The following ITPR2 variants were observed in gnomAD, a reference collection of about 807,000 sequenced individuals.
ITPR2 encodes the protein inositol 1,4,5-trisphosphate-gated calcium channel ITPR2.
Under a neutral mutation model 317.1 loss-of-function variants are expected in ITPR2, and 207 were observed. The ratio of observed to expected loss-of-function variants is 0.65; its 90% CI spans 0.58 to 0.73. The LOEUF (loss-of-function observed/expected upper bound fraction) is 0.73. Ranked by LOEUF, ITPR2 falls within the 30% of genes least tolerant of loss-of-function variation. The pLI is 0.00. For missense variants in ITPR2, 2,613 were observed against 3,284.0 expected, an observed-to-expected ratio of 0.80 and a Z score of 4.99; for synonymous variants, 1,156 against 1,149.1, an observed-to-expected ratio of 1.01 and a Z score of -0.12.
At chr12:26,362,392 C>A (rs1177453990) in intron 55 of ITPR2, among the ~76,000 whole-genome samples, 2 of 152,124 alleles carry the variant, frequency 1.3e-5, no homozygotes, top group African/African-American at 2.4e-5. Context: ...ATCTTTCCAC[C>A]ATTCCCTGGG....
chr12:26,707,652 G>T (rs551126274), intron 9 of ITPR2, among the ~76,000 whole-genome samples: 1 of 152,084 alleles, frequency 6.6e-6, no homozygotes, highest in African/African-American at 2.4e-5. Context: ...TCCCACATCT[G>T]CCTCCCAAGT....
chr12:26,750,686 A>G (rs1949398029), intron 2 of ITPR2, among the ~76,000 whole-genome samples: 1 of 152,228 alleles, frequency 6.6e-6, no homozygotes, highest in Admixed American at 6.5e-5. Flanking sequence ...CTCTCTGTAC[A>G]TGAGACTTAG....
At position 26,711,191 on chromosome 12, in the gene ITPR2, T is replaced by G. The variant is rs2137022322; in HGVS notation, c.933A>C (p.Gly311=). ...GTCTTACCTCTGCAGCTAAATAGTT[T>G]CCAGTTGCAAGATGCTTAAATCTGA... is the stretch of plus-strand genomic sequence containing the variant. ...SLFRFKHLAT[G]NYLAAELNPD... is the part of the protein sequence containing the mutation. Residue 311 remains glycine (G), a synonymous_variant, in exon 9 of 57, where the codon GGA becomes GGC. Coordinates refer to ENST00000381340, the MANE Select transcript of ITPR2 (RefSeq NM_002223.4). 1 of 1,613,204 alleles carries G rather than the reference T, an allele frequency of 6.2e-7. No homozygotes were observed. Among genetic ancestry groups the G allele is most frequent in the Non-Finnish European group, 8.5e-7 (1 of 1,179,264 alleles).
chr12:26,623,532 T>A (rs1382964867), intron 24 of ITPR2: 3 of 152,218 alleles, frequency 2.0e-5, no homozygotes, highest in African/African-American at 4.8e-5. Context: ...TTAAATTTTA[T>A]CATACGCATG....
At chr12:26,605,115 T>TAAAA (rs773381558) in intron 26 of ITPR2, among the ~76,000 whole-genome samples, 47 of 87,056 alleles carry the variant, frequency 5.4e-4, no homozygotes, top group Non-Finnish European at 9.5e-4. Flanking sequence ...AAATAAAAAA[T>TAAAA]AAAAAATAAA....
At chr12:26,502,759 T>C (rs1943099305) in intron 37 of ITPR2, among the ~76,000 whole-genome samples, 1 of 152,190 alleles carries the variant, frequency 6.6e-6, no homozygotes. Flanking sequence ...GAGATTTAAA[T>C]AAATGAGAAG....
intron 20 of ITPR2, among the ~76,000 whole-genome samples, 190 bp from the exon 21 acceptor site, chr12:26,654,316 A>G (rs1309548513): frequency 6.6e-6 from 1 of 152,252 alleles, no homozygotes; most frequent in African/African-American, 2.4e-5. Context: ...ATTCAAGTCT[A>G]GAACTAAATC....
At chr12:26,504,152 A>G (rs764274497) in intron 37 of ITPR2, among the ~76,000 whole-genome samples, 10 of 152,204 alleles carry the variant, frequency 6.6e-5, no homozygotes, top group South Asian at 6.2e-4. Context: ...TGGAAAACCA[A>G]TATTCCATGT....
intron 26 of ITPR2, among the ~76,000 whole-genome samples, chr12:26,609,820 C>A (rs532943897): frequency 6.6e-6 from 1 of 151,916 alleles, no homozygotes. Context: ...TATATTATAA[C>A]CAAATAGGAT....
At chr12:26,563,623 T>C (rs141739167) in intron 34 of ITPR2, among the ~76,000 whole-genome samples, 62 of 152,190 alleles carry the variant, frequency 4.1e-4, no homozygotes, top group Non-Finnish European at 7.8e-4. Context: ...ATATATTAAA[T>C]TCTCCAACTC....
intron 55 of ITPR2, among the ~76,000 whole-genome samples, chr12:26,350,020 G>C (rs1311987320): frequency 6.6e-6 from 1 of 152,208 alleles, no homozygotes; most frequent in Non-Finnish European, 1.5e-5. Flanking sequence ...GCACAGCCAT[G>C]ATGGGAGGGG....
At chr12:26,341,308 C>T (rs1018280105) in intron 55 of ITPR2, among the ~76,000 whole-genome samples, 1 of 152,216 alleles carries the variant, frequency 6.6e-6, no homozygotes, top group Non-Finnish European at 1.5e-5. Flanking sequence ...CTTCTCCCAA[C>T]ATCCCTAGCA....
At chr12:26,501,782 A>G (rs1331117548) in intron 37 of ITPR2, among the ~76,000 whole-genome samples, 1 of 152,162 alleles carries the variant, frequency 6.6e-6, no homozygotes, top group African/African-American at 2.4e-5. Flanking sequence ...CATTTCTACC[A>G]TGTGTCAGGA....
chr12:26,806,178 T>A (rs1259782649), intron 1 of ITPR2, among the ~76,000 whole-genome samples: 1 of 152,222 alleles, frequency 6.6e-6, no homozygotes, highest in Non-Finnish European at 1.5e-5. Context: ...GCTGTTATAT[T>A]GATTTTGGAG....
At chr12:26,732,355 G>A (rs548982394) in intron 2 of ITPR2, among the ~76,000 whole-genome samples, 1 of 152,270 alleles carries the variant, frequency 6.6e-6, no homozygotes, top group African/African-American at 2.4e-5. Context: ...GAATTCCCTA[G>A]ATCCTTCAGG....
intron 37 of ITPR2, among the ~76,000 whole-genome samples, chr12:26,537,607 T>C (rs1180795237): frequency 1.3e-5 from 2 of 152,228 alleles, no homozygotes; most frequent in African/African-American, 4.8e-5. Context: ...ATTATAAGCA[T>C]TTGATTAGAT....
intron 45 of ITPR2, among the ~76,000 whole-genome samples, chr12:26,473,560 C>T (rs907495315): frequency 6.6e-6 from 1 of 152,222 alleles, no homozygotes; most frequent in Non-Finnish European, 1.5e-5. Context: ...CTTATTACTG[C>T]TCATTTTGAC....
At chr12:26,599,047 C>A in intron 30 of ITPR2, 98 bp downstream of exon 30, 1 of 1,098,058 alleles carries the variant, frequency 9.1e-7, no homozygotes, top group East Asian at 2.4e-5. Flanking sequence ...AATAATTTTC[C>A]AAACCTATGT....
chr12:26,605,126 A>AAT lies in ITPR2; in HGVS notation c.3463-2422_3463-2421dup, dbSNP rs71069256. The stretch of plus-strand genomic sequence containing the variant: ...ATAAAAATAAAAAATAAAAAATAAA[A>AAT]ATATATATATATATATGAGAAAGTG... On this transcript the variant is annotated intron_variant, in intron 26 of 56. Transcript: ENST00000381340. Among the ~76,000 whole-genome samples the AAT allele has an allele frequency of 7.5e-4, 102 of 136,302 alleles. 2 individuals are homozygous for AAT. Among genetic ancestry groups the AAT allele is most frequent in the South Asian group, 3.8e-3 (16 of 4,216 alleles). 89.4% of individuals were successfully genotyped at this position (136,302 alleles called of 152,430 possible). A position where few individuals can be genotyped will look rare whatever the true frequency, so the allele number is the denominator to read the frequency against.
Sources: allele counts gnomAD v4.1 joint callset (sites outside exome capture counted in the v4.1 genomes callset), GRCh38; gene constraint gnomAD v4.1.1; transcripts MANE v1.5; gene names NCBI Gene and HGNC (gene_info 2026-07-23, HGNC 2026-07-21).